The following CD1B variants were observed in gnomAD, a reference collection of about 807,000 sequenced individuals.
CD1B encodes the protein CD1b molecule, also known as T-cell surface glycoprotein CD1b.
Under a neutral mutation model 39.8 loss-of-function variants are expected in CD1B, and 43 were observed. That is an observed-to-expected ratio of 1.08 (90% CI 0.85 to 1.39). CD1B has a LOEUF of 1.39. Ranked by LOEUF, CD1B falls within the 40% of genes most tolerant of loss-of-function variation. CD1B has a pLI of 0.00. For missense variants in CD1B, 495 were observed against 403.8 expected, an observed-to-expected ratio of 1.23 and a Z score of -1.94; for synonymous variants, 192 against 152.5, an observed-to-expected ratio of 1.26 and a Z score of -1.91.
rs201983045 is a variant in CD1B, at chr1:158,330,894, C to T, written c.230G>A (p.Ser77Asn). The T allele has an allele frequency of 7.5e-5, 121 of 1,614,132 alleles. No individual in the cohort carries two copies. The African/African-American group carries it at 1.5e-3, about 20-fold the overall frequency. Residue 77 changes from serine to asparagine, a missense_variant, in exon 2 of 6, where the codon AGT becomes AAT. Coordinates refer to ENST00000368168, the MANE Select transcript of CD1B (RefSeq NM_001764.3). ...FLKPWSKGNF[S>N]DKEVAELEEI... ...CTCTAACTCAGCAACCTCCTTATCA[C>T]TAAAGTTACCTTTAGACCAAGGCTT...
the CD1B span, chr1:158,292,675 C>T: frequency 6.2e-7 from 1 of 1,613,898 alleles, no homozygotes; most frequent in East Asian, 2.2e-5. Flanking sequence ...CCTCCGGCTT[C>T]TACCCAAAGC....
chr1:158,321,088 A>C, the CD1B span, among the ~76,000 whole-genome samples: 1 of 152,196 alleles, frequency 6.6e-6, no homozygotes, highest in Non-Finnish European at 1.5e-5. Flanking sequence ...TCTGTTTATC[A>C]CTGAAGATAA....
chr1:158,287,151 T>C, the CD1B span, among the ~76,000 whole-genome samples: 2 of 152,204 alleles, frequency 1.3e-5, no homozygotes, highest in Non-Finnish European at 2.9e-5. Context: ...GAAGTTATTC[T>C]CTCACAGCTC....
chr1:158,326,219 G>A (rs185677835), downstream of CD1B, among the ~76,000 whole-genome samples: 176 of 152,126 alleles, frequency 1.2e-3, 2 homozygotes, highest in Admixed American at 8.2e-3. Context: ...TGATCCGCCC[G>A]CCTCGGCCTC....
At chr1:158,292,439 T>G in the CD1B span, 1 of 1,526,826 alleles carries the variant, frequency 6.5e-7, no homozygotes. Context: ...CCCTTCAAAC[T>G]CAGGACAAGA....
the CD1B span, among the ~76,000 whole-genome samples, chr1:158,317,900 C>T: frequency 6.6e-6 from 1 of 152,178 alleles, no homozygotes; most frequent in Admixed American, 6.5e-5. Flanking sequence ...ATCTTTATTT[C>T]TGCCTTCATT....
chr1:158,289,898 T>A, the CD1B span: 1 of 593,838 alleles, frequency 1.7e-6, no homozygotes. Flanking sequence ...AGAGATTGAG[T>A]AGGAGGACCA....
chr1:158,317,298 C>G, the CD1B span, among the ~76,000 whole-genome samples: 4 of 152,032 alleles, frequency 2.6e-5, no homozygotes, highest in Non-Finnish European at 5.9e-5. Context: ...GTCCTGGACT[C>G]TTTTTTGTTG....
At chr1:158,292,361 G>T in the CD1B span, 2 of 1,612,350 alleles carry the variant, frequency 1.2e-6, no homozygotes, top group Non-Finnish European at 1.7e-6. Context: ...ATGTACACAG[G>T]CAAGGTCAGT....
chr1:158,316,158 T>C, the CD1B span, among the ~76,000 whole-genome samples: 3 of 152,036 alleles, frequency 2.0e-5, no homozygotes, highest in Non-Finnish European at 4.4e-5. Context: ...TTTGGTTCCA[T>C]ATGAACTAAA....
chr1:158,328,900 A>C, intron 5 of CD1B, 21 bp downstream of exon 5: 1 of 1,539,084 alleles, frequency 6.5e-7, no homozygotes, highest in Middle Eastern at 1.7e-4. Flanking sequence ...AAAAAAAAAA[A>C]CAACACCACC....
the CD1B span, among the ~76,000 whole-genome samples, chr1:158,322,568 C>T: frequency 6.6e-6 from 1 of 152,136 alleles, no homozygotes; most frequent in East Asian, 1.9e-4. Flanking sequence ...CCATGCCTGG[C>T]CTGTATACTT....
chr1:158,329,691 A>C, intron 3 of CD1B, 43 bp from the exon 4 acceptor site: 1 of 1,599,476 alleles, frequency 6.3e-7, no homozygotes, highest in East Asian at 2.2e-5. Context: ...TTATAACTCG[A>C]GTTCAGAGGT....
At chr1:158,307,335 A>G in the CD1B span, among the ~76,000 whole-genome samples, 1 of 152,210 alleles carries the variant, frequency 6.6e-6, no homozygotes, top group Non-Finnish European at 1.5e-5. Flanking sequence ...AAAGTCTAGA[A>G]GAAATGGATA....
At position 158,329,359 on chromosome 1, in the gene CD1B, C is replaced by T. The variant is rs1209305370; in HGVS notation, c.886+11G>A. ...CTGGCATTTCCAGCCTGGGTCCCTG[C>T]TATTTCTTACTCCAGTAGAGGATGA... is the stretch of plus-strand genomic sequence containing the variant. On this transcript the variant is annotated intron_variant, in intron 4 of 5. Coordinates refer to ENST00000368168, the MANE Select transcript of CD1B (RefSeq NM_001764.3). 1.9e-6 allele frequency: 3 copies of T among 1,606,768 alleles called. No individual in the cohort carries two copies. The highest frequency in any genetic ancestry group is 2.6e-6 in the Non-Finnish European group (3 of 1,174,530).
chr1:158,313,384 C>A, the CD1B span, among the ~76,000 whole-genome samples: 1 of 152,210 alleles, frequency 6.6e-6, no homozygotes, highest in African/African-American at 2.4e-5. Flanking sequence ...AATCACATCT[C>A]ACCACAGCCT....
At chr1:158,326,250 G>A (rs1465180284), downstream of CD1B, among the ~76,000 whole-genome samples, 1 of 152,134 alleles carries the variant, frequency 6.6e-6, no homozygotes, top group South Asian at 2.1e-4. Flanking sequence ...GGGATTACAG[G>A]CGTGAGCCAC....
downstream of CD1B, among the ~76,000 whole-genome samples, chr1:158,323,179 CT>C (rs368619957): frequency 7.8e-3 from 1,178 of 150,962 alleles, 16 homozygotes; most frequent in African/African-American, 0.028. Context: ...TCACTTGTTT[CT>C]TTTTTTTTAT....
the CD1B span, among the ~76,000 whole-genome samples, chr1:158,300,746 G>A: frequency 6.8e-6 from 1 of 146,496 alleles, no homozygotes; most frequent in East Asian, 2.0e-4. Flanking sequence ...GGCCTTCTTT[G>A]TCTCTCTCTC....
Sources: allele counts gnomAD v4.1 joint callset (sites outside exome capture counted in the v4.1 genomes callset), GRCh38; gene constraint gnomAD v4.1.1; transcripts MANE v1.5; gene names NCBI Gene and HGNC (gene_info 2026-07-23, HGNC 2026-07-21).